Variants in TCF12 observed in about 807,000 individuals in gnomAD.
TCF12 encodes the protein DNA-binding protein HTF4.
A neutral mutation model predicts 86.0 loss-of-function variants in TCF12; 45 were observed. That is an observed-to-expected ratio of 0.52 (90% CI 0.41 to 0.67). The LOEUF (loss-of-function observed/expected upper bound fraction) is 0.67. Ranked by LOEUF, TCF12 falls within the 30% of genes least tolerant of loss-of-function variation. The probability of loss-of-function intolerance (pLI) is 0.00; values close to 1 mark genes in which losing one functional copy is unlikely to be tolerated. For synonymous variants in TCF12, 330 were observed against 299.6 expected (o/e 1.10, Z -1.05); for missense variants, 881 against 859.9 (o/e 1.02, Z -0.31).
intron 5 of TCF12, among the ~76,000 whole-genome samples, chr15:57,166,046 GC>G (rs2054868868): frequency 6.6e-6 from 1 of 152,150 alleles, no homozygotes; most frequent in Non-Finnish European, 1.5e-5. Flanking sequence ...TCCCACCTCA[GC>G]CTCCTGAGTA....
intron 8 of TCF12, among the ~76,000 whole-genome samples, chr15:57,204,039 T>A (rs1375489620): frequency 6.6e-6 from 1 of 152,092 alleles, no homozygotes; most frequent in Non-Finnish European, 1.5e-5. Context: ...TAAGGAGCTT[T>A]ATTGTTTCTG....
intron 8 of TCF12, among the ~76,000 whole-genome samples, chr15:57,201,552 A>G (rs1452242702): frequency 6.6e-6 from 1 of 152,056 alleles, no homozygotes; most frequent in African/African-American, 2.4e-5. Context: ...ATTTTCCTAT[A>G]GCAAACCCAC....
rs776683648 is a variant in TCF12, at chr15:57,262,214, T to C, written c.1582+6T>C. 3.8e-6 allele frequency: 6 copies of C among 1,576,246 alleles called. No individual in the cohort carries two copies. The Admixed American group carries it at 1.0e-4, about 27-fold the overall frequency. Reference sequence around the variant, plus strand: ...AACACAAGAAAATTATAGAGGTAACTATATTGTTGGTTTTCAGAAATAATG... The same window carrying C: ...AACACAAGAAAATTATAGAGGTAACCATATTGTTGGTTTTCAGAAATAATG... On this transcript the variant is annotated splice_donor_region_variant and intron_variant, in intron 17 of 20. Transcript: ENST00000333725.
intron 6 of TCF12, among the ~76,000 whole-genome samples, chr15:57,187,899 C>A (rs746382459): frequency 6.6e-6 from 1 of 151,998 alleles, no homozygotes; most frequent in Non-Finnish European, 1.5e-5. Flanking sequence ...CAGTGCACTC[C>A]AGCCTGGGAG....
chr15:57,186,522 C>T (rs998855076), intron 6 of TCF12, among the ~76,000 whole-genome samples: 2 of 152,172 alleles, frequency 1.3e-5, no homozygotes, highest in South Asian at 4.2e-4. Context: ...AGTCCAGGAC[C>T]AAACAGCTTC....
chr15:57,232,993 G>T lies in TCF12; in HGVS notation c.970+137G>T, dbSNP rs2059212994. 8 of 480,622 alleles carry T rather than the reference G, an allele frequency of 1.7e-5. No individual in the cohort carries two copies. The East Asian group carries it at 2.6e-4, about 15-fold the overall frequency. The allele number at this position is 480,622 out of a possible 1,614,324, so 29.8% of individuals were successfully genotyped here. A position where few individuals can be genotyped will look rare whatever the true frequency, so the allele number is the denominator to read the frequency against. ...ATATATGTTATATATGTATATGTGT[G>T]TTATATGTATATATGTGTTATATAT... On this transcript the variant is annotated intron_variant, in intron 11 of 20. Coordinates refer to ENST00000333725, the MANE Select transcript of TCF12 (RefSeq NM_207037.2).
intron 5 of TCF12, among the ~76,000 whole-genome samples, chr15:57,101,714 G>A (rs2049768384): frequency 6.6e-6 from 1 of 152,126 alleles, no homozygotes; most frequent in African/African-American, 2.4e-5. Context: ...ATGTTTTGGT[G>A]GTTCCACAGT....
chr15:57,186,009 A>C (rs1213152302), intron 6 of TCF12, among the ~76,000 whole-genome samples: 2 of 152,244 alleles, frequency 1.3e-5, no homozygotes, highest in African/African-American at 4.8e-5. Flanking sequence ...ATTACTACTG[A>C]CTTTATAGAA....
chr15:57,130,354 T>TG (rs1165785522), intron 5 of TCF12, among the ~76,000 whole-genome samples: 1 of 151,976 alleles, frequency 6.6e-6, no homozygotes, highest in Non-Finnish European at 1.5e-5. Flanking sequence ...GATTTTTTTT[T>TG]TGTGGATTTT....
intron 5 of TCF12, among the ~76,000 whole-genome samples, chr15:57,111,586 CTTTTTT>C (rs1166862090): frequency 2.6e-5 from 3 of 115,470 alleles, no homozygotes; most frequent in African/African-American, 3.3e-5. Context: ...GTTTGTTTAT[CTTTTTT>C]TTTTTTTTTT....
At chr15:56,943,537 T>A (rs916090021) in intron 3 of TCF12, among the ~76,000 whole-genome samples, 2 of 152,204 alleles carry the variant, frequency 1.3e-5, no homozygotes, top group Non-Finnish European at 2.9e-5. Context: ...TCATAATAAC[T>A]CTTTGAAGCT....
intron 3 of TCF12, among the ~76,000 whole-genome samples, chr15:57,052,374 G>A (rs574128891): frequency 1.4e-3 from 215 of 152,110 alleles, no homozygotes; most frequent in Non-Finnish European, 2.4e-3. Flanking sequence ...TAGGCCGGGC[G>A]TGGTGGCAGT....
intron 5 of TCF12, among the ~76,000 whole-genome samples, chr15:57,130,932 G>A (rs1458522215): frequency 6.6e-6 from 1 of 151,994 alleles, no homozygotes; most frequent in African/African-American, 2.4e-5. Flanking sequence ...CATGGAATTG[G>A]GATTTAAACT....
chr15:57,079,718 A>G (rs1219463788), intron 4 of TCF12, among the ~76,000 whole-genome samples: 3 of 152,150 alleles, frequency 2.0e-5, no homozygotes, highest in South Asian at 2.1e-4. Flanking sequence ...GCCTTTACTT[A>G]CTGATTTTTT....
chr15:57,101,618 T>C (rs1322407642), intron 5 of TCF12, among the ~76,000 whole-genome samples: 1 of 152,380 alleles, frequency 6.6e-6, no homozygotes, highest in Middle Eastern at 3.4e-3. Flanking sequence ...CACGTGCATA[T>C]GCACCCACAC....
intron 6 of TCF12, among the ~76,000 whole-genome samples, 165 bp from the exon 7 acceptor site, chr15:57,191,993 G>A (rs2057004612): frequency 6.6e-6 from 1 of 152,074 alleles, no homozygotes; most frequent in Admixed American, 6.6e-5. Flanking sequence ...GAGAAAGTAG[G>A]TATGGGCTGA....
At chr15:57,107,482 T>G (rs1342879194) in intron 5 of TCF12, among the ~76,000 whole-genome samples, 2 of 152,180 alleles carry the variant, frequency 1.3e-5, no homozygotes, top group African/African-American at 4.8e-5. Context: ...TGTATAAAAC[T>G]TTAGTGGTAG....
chr15:57,022,686 A>G (rs2065570542), intron 3 of TCF12, among the ~76,000 whole-genome samples: 4 of 152,214 alleles, frequency 2.6e-5, no homozygotes, highest in Admixed American at 2.0e-4. Flanking sequence ...TCCCACCAAC[A>G]GTGTAAAAGT....
At chr15:57,221,461 C>CT (rs2058593847) in intron 8 of TCF12, among the ~76,000 whole-genome samples, 1 of 150,034 alleles carries the variant, frequency 6.7e-6, no homozygotes, top group African/African-American at 2.5e-5. Context: ...CTGAACCAGA[C>CT]TAACTCAAAA....
Sources: gnomAD v4.1 joint callset for allele counts (sites outside exome capture counted in the v4.1 genomes callset) on GRCh38, gnomAD v4.1.1 for gene constraint, MANE v1.5 for transcripts, NCBI Gene and HGNC (gene_info 2026-07-23, HGNC 2026-07-21) for gene names.